The following KLHL32 variants were observed in gnomAD, a reference collection of about 807,000 sequenced individuals.
The protein encoded by KLHL32 is kelch-like protein 32.
In KLHL32, 35 loss-of-function variants were observed where a neutral mutation model predicts 64.8. That is an observed-to-expected ratio of 0.54 (90% confidence interval 0.41 to 0.72). The LOEUF is 0.72. KLHL32 is among the 30% of genes least tolerant of loss of function. KLHL32 has a pLI of 0.00. For synonymous variants in KLHL32, 259 were observed against 281.0 expected, an observed-to-expected ratio of 0.92 and a Z score of 0.78; for missense variants, 589 against 768.5, an observed-to-expected ratio of 0.77 and a Z score of 2.76.
At chr6:97,011,494 G>T (rs969073661) in intron 3 of KLHL32, among the ~76,000 whole-genome samples, 8 of 152,154 alleles carry the variant, frequency 5.3e-5, no homozygotes, top group African/African-American at 1.9e-4. Context: ...GTGCCTTTTT[G>T]CATAATGAAT....
intron 1 of KLHL32, among the ~76,000 whole-genome samples, chr6:96,939,065 C>G (rs1770959187): frequency 1.3e-5 from 2 of 152,144 alleles, no homozygotes; most frequent in African/African-American, 4.8e-5. Context: ...TACTCAGTCT[C>G]TAAAGCTAGC....
the KLHL32 span, among the ~76,000 whole-genome samples, chr6:96,912,874 C>G: frequency 6.6e-6 from 1 of 152,172 alleles, no homozygotes; most frequent in South Asian, 2.1e-4. Context: ...CTCTCCCTAC[C>G]ACCTGCACAT....
intron 6 of KLHL32, among the ~76,000 whole-genome samples, chr6:97,090,781 T>C (rs2144216): frequency 0.35 from 52,667 of 152,210 alleles, 9,167 homozygotes; most frequent in South Asian, 0.47. Flanking sequence ...TGAGGTTACA[T>C]ATCTAGGAAT....
chr6:97,113,776 GT>G lies in KLHL32; in HGVS notation c.628-4del. 1.2e-6 allele frequency: 2 copies of G among 1,607,524 alleles called. No homozygotes were observed. Among genetic ancestry groups the G allele is most frequent in the Non-Finnish European group, 1.7e-6 (2 of 1,174,718 alleles). On this transcript the variant is annotated splice_region_variant and splice_polypyrimidine_tract_variant and intron_variant, in intron 6 of 10. Coordinates refer to ENST00000369261, the MANE Select transcript of KLHL32 (RefSeq NM_052904.4). ...GTCTCCTCTCATCTCACTTCCCTCT[GT>G]TTCAGCTAGCTGTGAGGTGGTTGGA...
At chr6:97,029,357 GA>G (rs372277886) in intron 3 of KLHL32, among the ~76,000 whole-genome samples, 4 of 151,612 alleles carry the variant, frequency 2.6e-5, no homozygotes, top group South Asian at 2.1e-4. Flanking sequence ...GAAGATTTTA[GA>G]AAAAAAACAA....
the KLHL32 span, among the ~76,000 whole-genome samples, chr6:96,909,194 G>A: frequency 6.6e-6 from 1 of 152,100 alleles, no homozygotes; most frequent in Admixed American, 6.5e-5. Context: ...CCTATCCTTT[G>A]GTAGGGTTAG....
At chr6:97,117,220 C>G (rs1006564896) in intron 7 of KLHL32, among the ~76,000 whole-genome samples, 2 of 152,196 alleles carry the variant, frequency 1.3e-5, no homozygotes, top group East Asian at 3.8e-4. Context: ...ACCTGATTTA[C>G]TGGAGCAGAT....
At chr6:96,960,856 G>A (rs1362129716) in intron 1 of KLHL32, among the ~76,000 whole-genome samples, 1 of 152,166 alleles carries the variant, frequency 6.6e-6, no homozygotes, top group Admixed American at 6.5e-5. Context: ...ATTGGCATTT[G>A]GTTGAAAGAG....
At chr6:97,100,065 C>T (rs1384602643) in intron 6 of KLHL32, among the ~76,000 whole-genome samples, 1 of 151,948 alleles carries the variant, frequency 6.6e-6, no homozygotes, top group Non-Finnish European at 1.5e-5. Flanking sequence ...TTGCTTGAAC[C>T]CAGGAGGTGG....
At chr6:96,992,479 A>G (rs1777998071) in intron 3 of KLHL32, among the ~76,000 whole-genome samples, 1 of 152,244 alleles carries the variant, frequency 6.6e-6, no homozygotes. Flanking sequence ...TCTGAGAGCA[A>G]TGCGCACTAG....
chr6:96,963,944 A>C (rs1471968365), intron 1 of KLHL32, among the ~76,000 whole-genome samples: 1 of 152,178 alleles, frequency 6.6e-6, no homozygotes, highest in Admixed American at 6.5e-5. Flanking sequence ...GTTGAAAGAG[A>C]TCTCAAAGGT....
intron 1 of KLHL32, among the ~76,000 whole-genome samples, chr6:96,942,992 CTAAAAGA>C (rs1771499792): frequency 6.7e-6 from 1 of 149,810 alleles, no homozygotes; most frequent in Admixed American, 6.7e-5. Context: ...GGACTGTAGG[CTAAAAGA>C]GAAAAGAGAA....
chr6:96,926,520 C>A (rs766897416), intron 1 of KLHL32, among the ~76,000 whole-genome samples: 10 of 152,230 alleles, frequency 6.6e-5, no homozygotes, highest in African/African-American at 9.6e-5. Flanking sequence ...AAGACTCAAA[C>A]CTTGCTGAAG....
chr6:96,973,730 C>CTCTTTTTTTTTTTTTTTTTT (rs1554208428), intron 2 of KLHL32, among the ~76,000 whole-genome samples: 84 of 118,256 alleles, frequency 7.1e-4, no homozygotes, highest in African/African-American at 2.6e-3. Flanking sequence ...TACAGATTGC[C>CTCTTTTTTTTTTTTTTTTTT]TTTTTTTTTT....
At chr6:96,977,508 C>G (rs1453539834) in intron 3 of KLHL32, among the ~76,000 whole-genome samples, 1 of 152,052 alleles carries the variant, frequency 6.6e-6, no homozygotes, top group Non-Finnish European at 1.5e-5. Flanking sequence ...GTGACTAATA[C>G]TTTTGGAACA....
At chr6:96,986,714 G>C (rs758096596) in intron 3 of KLHL32, among the ~76,000 whole-genome samples, 28 of 152,332 alleles carry the variant, frequency 1.8e-4, no homozygotes, top group Middle Eastern at 6.8e-3. Flanking sequence ...TGCTAAGACC[G>C]TTGGAAAAGC....
intron 1 of KLHL32, among the ~76,000 whole-genome samples, chr6:96,928,203 C>T (rs55825414): frequency 0.065 from 9,955 of 152,136 alleles, 392 homozygotes; most frequent in Middle Eastern, 0.14. Context: ...TCAGGTCAGT[C>T]CCTAGGTAGT....
intron 3 of KLHL32, among the ~76,000 whole-genome samples, chr6:97,007,858 G>A (rs1779863425): frequency 6.6e-6 from 1 of 152,196 alleles, no homozygotes; most frequent in Admixed American, 6.5e-5. Flanking sequence ...CTGCTGCACT[G>A]GAGGGGCCAA....
intron 4 of KLHL32, among the ~76,000 whole-genome samples, chr6:97,047,425 C>G (rs1376344644): frequency 6.6e-6 from 1 of 152,196 alleles, no homozygotes; most frequent in Non-Finnish European, 1.5e-5. Context: ...CCAGGCTGCT[C>G]TTGCTCTGCA....
Sources: gnomAD v4.1 joint callset for allele counts (sites outside exome capture counted in the v4.1 genomes callset) on GRCh38, gnomAD v4.1.1 for gene constraint, MANE v1.5 for transcripts, NCBI Gene and HGNC (gene_info 2026-07-23, HGNC 2026-07-21) for gene names.